Variants in GPM6A observed in about 807,000 individuals in gnomAD.
GPM6A encodes glycoprotein M6A, also known as neuronal membrane glycoprotein M6-a.
GPM6A carries 7 observed loss-of-function variants against 32.1 expected under a neutral mutation model. The ratio of observed to expected loss-of-function variants is 0.22; its 90% CI spans 0.12 to 0.41. GPM6A has a LOEUF of 0.41. GPM6A is among the 10% of genes least tolerant of loss of function. GPM6A has a pLI of 1.00. For synonymous variants in GPM6A, 130 were observed against 123.4 expected (o/e 1.05, Z -0.35); for missense variants, 235 against 347.2 (o/e 0.68, Z 2.57).
intron 1 of GPM6A, among the ~76,000 whole-genome samples, chr4:175,738,413 T>C (rs1257849715): frequency 2.0e-5 from 3 of 152,160 alleles, no homozygotes; most frequent in Non-Finnish European, 4.4e-5. Context: ...AGTACTACCA[T>C]TTTGCTTCTC....
intron 1 of GPM6A, among the ~76,000 whole-genome samples, chr4:175,910,925 G>A (rs953649135): frequency 4.6e-5 from 7 of 152,100 alleles, no homozygotes; most frequent in African/African-American, 1.7e-4. Flanking sequence ...TTACAAAGAG[G>A]CAATGGGGTT....
chr4:175,663,745 G>A (rs1742570433), intron 3 of GPM6A, among the ~76,000 whole-genome samples: 1 of 148,718 alleles, frequency 6.7e-6, no homozygotes, highest in Non-Finnish European at 1.5e-5. Context: ...CCAGGCTGGA[G>A]TGCAGTGGCG....
intron 1 of GPM6A, among the ~76,000 whole-genome samples, chr4:175,703,552 G>T (rs1290869407): frequency 6.6e-6 from 1 of 151,998 alleles, no homozygotes; most frequent in Admixed American, 6.6e-5. Flanking sequence ...GGTCACTTTT[G>T]GTTTTTGAAG....
chr4:175,711,028 C>G (rs898129473), intron 1 of GPM6A, among the ~76,000 whole-genome samples: 7 of 152,140 alleles, frequency 4.6e-5, no homozygotes, highest in African/African-American at 1.7e-4. Context: ...GCTCCCTGAA[C>G]TTCTCCTTTA....
chr4:175,939,854 C>CAA (rs553552940), intron 1 of GPM6A, among the ~76,000 whole-genome samples: 9 of 141,906 alleles, frequency 6.3e-5, no homozygotes, highest in African/African-American at 2.0e-4. Flanking sequence ...TCTTAATAAG[C>CAA]AAAAAAAAAA....
At chr4:175,732,352 C>A (rs1731470725) in intron 1 of GPM6A, among the ~76,000 whole-genome samples, 1 of 152,098 alleles carries the variant, frequency 6.6e-6, no homozygotes, top group Non-Finnish European at 1.5e-5. Flanking sequence ...GTTCCCTATT[C>A]CTTGGTCTCT....
intron 1 of GPM6A, among the ~76,000 whole-genome samples, chr4:175,869,991 C>T (rs967387308): frequency 7.9e-5 from 12 of 152,274 alleles, no homozygotes; most frequent in Non-Finnish European, 1.8e-4. Context: ...GATTTGAACC[C>T]AAGCTATCTG....
intron 1 of GPM6A, among the ~76,000 whole-genome samples, chr4:175,725,160 T>A (rs1402315371): frequency 1.3e-5 from 2 of 152,196 alleles, no homozygotes; most frequent in African/African-American, 4.8e-5. Context: ...TATTTTATTT[T>A]AGTGATAAAA....
At chr4:175,667,136 T>C (rs1474296862) in intron 3 of GPM6A, among the ~76,000 whole-genome samples, 1 of 152,206 alleles carries the variant, frequency 6.6e-6, no homozygotes, top group Non-Finnish European at 1.5e-5. Context: ...TATCATAAAA[T>C]AAATTCTTTA....
At chr4:175,959,611 A>C (rs1740102310) in intron 1 of GPM6A, among the ~76,000 whole-genome samples, 1 of 152,170 alleles carries the variant, frequency 6.6e-6, no homozygotes, top group Non-Finnish European at 1.5e-5. Flanking sequence ...ATGCACAATA[A>C]ATTTTAAGAC....
At chr4:175,829,832 T>C (rs1029289599) in intron 1 of GPM6A, among the ~76,000 whole-genome samples, 10 of 151,440 alleles carry the variant, frequency 6.6e-5, no homozygotes, top group Non-Finnish European at 7.4e-5. Flanking sequence ...TTTGTGACCA[T>C]AAAACTAAAT....
At chr4:175,990,329 G>A (rs1741099398) in intron 1 of GPM6A, among the ~76,000 whole-genome samples, 1 of 152,132 alleles carries the variant, frequency 6.6e-6, no homozygotes, top group Non-Finnish European at 1.5e-5. Context: ...CATTCAGAAA[G>A]CTTCTCTTGA....
chr4:175,703,375 T>C (rs376560276), intron 1 of GPM6A, among the ~76,000 whole-genome samples: 2 of 152,190 alleles, frequency 1.3e-5, no homozygotes, highest in East Asian at 3.9e-4. Context: ...TTTTGCCATG[T>C]TGGCCAGGCT....
In GPM6A at chr4:175,671,966, A is replaced by G. The variant is rs560255863; in HGVS notation, c.387+1714T>C. Among the ~76,000 whole-genome samples the G allele has an allele frequency of 4.1e-5, 6 of 147,620 alleles. 1 individual carries two copies. Among genetic ancestry groups the G allele is most frequent in the African/African-American group, 1.5e-4 (6 of 40,924 alleles). ...TGGTCTGTTGGGTGGGACTGGTGAC[A>G]CAATTGTTACCATTATAGAAAAAAA... On this transcript the variant is annotated intron_variant, in intron 3 of 6. Transcript: ENST00000393658.
intron 1 of GPM6A, among the ~76,000 whole-genome samples, chr4:175,767,805 G>C (rs1733033629): frequency 6.6e-6 from 1 of 152,198 alleles, no homozygotes; most frequent in South Asian, 2.1e-4. Context: ...TTATAATGCG[G>C]ATGTTGAGTG....
At chr4:175,851,329 A>T (rs777912505) in intron 1 of GPM6A, among the ~76,000 whole-genome samples, 5 of 152,128 alleles carry the variant, frequency 3.3e-5, no homozygotes, top group Non-Finnish European at 7.4e-5. Context: ...TACTAAAAAT[A>T]CAAAAATTAG....
At chr4:175,644,680 A>C (rs1165790856) in intron 4 of GPM6A, among the ~76,000 whole-genome samples, 1 of 152,102 alleles carries the variant, frequency 6.6e-6, no homozygotes, top group South Asian at 2.1e-4. Flanking sequence ...AAAATTAAGA[A>C]CATTATTCAA....
chr4:175,766,373 G>A (rs1015103502), intron 1 of GPM6A, among the ~76,000 whole-genome samples: 2 of 152,102 alleles, frequency 1.3e-5, no homozygotes, highest in South Asian at 2.1e-4. Flanking sequence ...GAAAACATTC[G>A]CTCAGTAAAA....
In GPM6A at chr4:175,686,178, T is replaced by C. The variant is rs1371264763; in HGVS notation, c.231-12342A>G. Among the ~76,000 whole-genome samples the C allele has an allele frequency of 3.3e-5, 5 of 152,286 alleles. No homozygotes were observed. In the South Asian group the frequency reaches 8.3e-4, roughly 25 times the overall value. ...AAAAAGTTGTCACAGGCAGCAATTA[T>C]TGCAAGAGCGAAAATGAACCTTGAT... On this transcript the variant is annotated intron_variant, in intron 2 of 6. Coordinates refer to ENST00000393658, the MANE Select transcript of GPM6A (RefSeq NM_201591.3).
Sources: allele counts gnomAD v4.1 joint callset (sites outside exome capture counted in the v4.1 genomes callset), GRCh38; gene constraint gnomAD v4.1.1; transcripts MANE v1.5; gene names NCBI Gene and HGNC (gene_info 2026-07-23, HGNC 2026-07-21).